ADAMTS6: variants seen among roughly 807,000 people sequenced by gnomAD.
ADAMTS6 encodes the protein A disintegrin and metalloproteinase with thrombospondin motifs 6.
A neutral mutation model predicts 144.3 loss-of-function variants in ADAMTS6; 23 were observed. That is an observed-to-expected ratio of 0.16 (90% CI 0.11 to 0.23). ADAMTS6 has a LOEUF of 0.23. ADAMTS6 is among the 10% of genes least tolerant of loss of function. The pLI is 1.00. For synonymous variants in ADAMTS6, 444 were observed against 457.5 expected, an observed-to-expected ratio of 0.97 and a Z score of 0.38; for missense variants, 999 against 1,379.6, an observed-to-expected ratio of 0.72 and a Z score of 4.37.
In ADAMTS6 at chr5:65,446,800, G is replaced by C. The variant is rs1758301342; in HGVS notation, c.1073+4675C>G. Among the ~76,000 whole-genome samples the C allele has an allele frequency of 2.0e-5, 3 of 152,180 alleles. No homozygotes were observed. The South Asian group carries it at 6.2e-4, about 31-fold the overall frequency. On this transcript the variant is annotated intron_variant, in intron 7 of 24. Transcript: ENST00000381055. ...AGATTAGCAGTTGCTTACGACTAGG[G>C]TAGGAGTGGGGACTGAGGGGAATGT...
At chr5:65,379,568 T>G (rs1751856357) in intron 7 of ADAMTS6, among the ~76,000 whole-genome samples, 1 of 152,196 alleles carries the variant, frequency 6.6e-6, no homozygotes, top group Admixed American at 6.5e-5. Flanking sequence ...TACTTAATAA[T>G]AAACTGATTT....
intron 14 of ADAMTS6, among the ~76,000 whole-genome samples, chr5:65,243,322 T>C (rs551292475): frequency 6.6e-6 from 1 of 152,076 alleles, no homozygotes; most frequent in South Asian, 2.1e-4. Flanking sequence ...GACAGTACAT[T>C]GTAAATGGTC....
intron 20 of ADAMTS6, among the ~76,000 whole-genome samples, chr5:65,207,763 C>T (rs190151641): frequency 5.3e-5 from 8 of 152,328 alleles, no homozygotes; most frequent in East Asian, 1.9e-4. Context: ...TAACTGAGTT[C>T]AAACAGGGGC....
chr5:65,274,616 G>C (rs564068442), intron 11 of ADAMTS6, among the ~76,000 whole-genome samples: 1 of 152,066 alleles, frequency 6.6e-6, no homozygotes, highest in African/African-American at 2.4e-5. Context: ...GATCTCTTTG[G>C]GTTCCTCTTT....
At chr5:65,418,397 C>T (rs1458408183) in intron 7 of ADAMTS6, among the ~76,000 whole-genome samples, 1 of 150,118 alleles carries the variant, frequency 6.7e-6, no homozygotes, top group Non-Finnish European at 1.5e-5. Context: ...AGCTTTCAAA[C>T]AAACAGCAAA....
intron 18 of ADAMTS6, among the ~76,000 whole-genome samples, chr5:65,216,139 T>G (rs1756902233): frequency 6.6e-6 from 1 of 152,136 alleles, no homozygotes; most frequent in African/African-American, 2.4e-5. Flanking sequence ...TGGACACACA[T>G]ATTCATAGTA....
At position 65,214,829 on chromosome 5, in the gene ADAMTS6, T is replaced by C. The variant is rs1208784044; in HGVS notation, c.2540A>G (p.Gln847Arg). 1.2e-6 allele frequency: 2 copies of C among 1,614,150 alleles called. No individual in the cohort carries two copies. Among genetic ancestry groups the C allele is most frequent in the South Asian group, 2.2e-5 (2 of 91,080 alleles). ...AGTAGCTGAGCATTCTGACCAAGGC[T>C]GATGATTCCATGTAAAGCCAACTTC... ...DNEVGFTWNHQPWSECSATCA... is the reference protein window; with the variant it reads ...DNEVGFTWNHRPWSECSATCA... Residue 847 changes from glutamine to arginine, a missense_variant, in exon 20 of 25, where the codon CAG becomes CGG. Around this residue, in one of 3 missense-constraint regions of ADAMTS6, gnomAD observed 619 missense variants for 837.0 expected, o/e 0.74. Transcript: ENST00000381055. The surrounding 1 kb of genome is among the most constrained non-coding windows in gnomAD (Gnocchi z 4.6).
chr5:65,302,110 AT>A (rs373868440), intron 9 of ADAMTS6, among the ~76,000 whole-genome samples: 601 of 27,430 alleles, frequency 0.022, 24 homozygotes, highest in Non-Finnish European at 0.028. Flanking sequence ...AAAAAAAAAT[AT>A]ATATATATAT....
chr5:65,475,039 T>C (rs1456227697), intron 1 of ADAMTS6, among the ~76,000 whole-genome samples: 1 of 151,944 alleles, frequency 6.6e-6, no homozygotes, highest in Non-Finnish European at 1.5e-5. Flanking sequence ...ACAAAAGAGA[T>C]TAGAAAGATT....
chr5:65,262,913 A>G lies in ADAMTS6; in HGVS notation c.1670T>C (p.Ile557Thr). 1.2e-6 allele frequency: 2 copies of G among 1,613,538 alleles called. No individual in the cohort carries two copies. The highest frequency in any genetic ancestry group is 1.7e-6 in the Non-Finnish European group (2 of 1,179,788). Residue 557 changes from isoleucine (I) to threonine (T), a missense_variant, in exon 13 of 25, where the codon ATA becomes ACA. Physicochemically the swap from Ile to Thr is moderately conservative, Grantham distance 89. Coordinates refer to ENST00000381055, the MANE Select transcript of ADAMTS6 (RefSeq NM_197941.4). ...CVPFGTWPQS[I>T]DGGWGPWSLW... ...TGACCAGGGACCCCAGCCCCCATCT[A>G]TGCTCTGGGGCCAAGTGCCAAAAGG...
rs1762289846 is a variant in ADAMTS6, at chr5:65,274,358, C to T, written c.1513-911G>A. Among the ~76,000 whole-genome samples the T allele has an allele frequency of 2.0e-5, 3 of 151,868 alleles. No individual in the cohort carries two copies. In the South Asian group the frequency reaches 6.2e-4, roughly 31 times the overall value. ...CCAACTAGCATCATTACCAATGTTA[C>T]AAGTTTTTAACTTAAGCTAGAACTT... On this transcript the variant is annotated intron_variant, in intron 11 of 24. Coordinates refer to ENST00000381055, the MANE Select transcript of ADAMTS6 (RefSeq NM_197941.4).
chr5:65,313,300 C>A (rs1268559874), intron 9 of ADAMTS6, among the ~76,000 whole-genome samples: 1 of 151,956 alleles, frequency 6.6e-6, no homozygotes, highest in East Asian at 1.9e-4. Flanking sequence ...AATTGTTAGA[C>A]TTTATTTTAA....
chr5:65,256,720 C>T (rs563651937), intron 14 of ADAMTS6, among the ~76,000 whole-genome samples: 1 of 152,060 alleles, frequency 6.6e-6, no homozygotes, highest in Non-Finnish European at 1.5e-5. Context: ...GTATATAATA[C>T]ATATATCATT....
rs1283214070 is a variant in ADAMTS6, at chr5:65,350,269, TG to T, written c.1074-16185del. 2.0e-5 allele frequency among the ~76,000 whole-genome samples: 3 copies of T among 152,332 alleles called. No homozygotes were observed. The East Asian group carries it at 5.8e-4, about 29-fold the overall frequency. ...AGGTTAAGTTGATTTCTTTTTTGTCTGACCTTCAGTGAAGATTGAGAACATC... is the reference window on the plus strand; with the variant it reads ...AGGTTAAGTTGATTTCTTTTTTGTCTACCTTCAGTGAAGATTGAGAACATC... On this transcript the variant is annotated intron_variant, in intron 7 of 24. Coordinates refer to ENST00000381055, the MANE Select transcript of ADAMTS6 (RefSeq NM_197941.4).
intron 12 of ADAMTS6, among the ~76,000 whole-genome samples, chr5:65,267,820 G>C (rs116818460): frequency 6.6e-6 from 1 of 152,138 alleles, no homozygotes; most frequent in Non-Finnish European, 1.5e-5. Flanking sequence ...TTTGCAGGAA[G>C]TAATATTAGT....
chr5:65,157,529 C>G (rs1385032583), intron 24 of ADAMTS6, among the ~76,000 whole-genome samples: 1 of 152,212 alleles, frequency 6.6e-6, no homozygotes, highest in Non-Finnish European at 1.5e-5. Context: ...ATCAGCATCT[C>G]TCTTTGGAGA....
intron 7 of ADAMTS6, among the ~76,000 whole-genome samples, chr5:65,373,883 A>T (rs62370668): frequency 1.3e-5 from 2 of 152,086 alleles, no homozygotes; most frequent in African/African-American, 4.8e-5. Flanking sequence ...AACCGAATCC[A>T]GCAGCACATC....
intron 22 of ADAMTS6, among the ~76,000 whole-genome samples, chr5:65,180,824 T>G (rs1421202565): frequency 2.0e-5 from 3 of 152,202 alleles, no homozygotes; most frequent in Non-Finnish European, 4.4e-5. Context: ...TCTCTCTATA[T>G]GTCAGCCATA....
intron 7 of ADAMTS6, among the ~76,000 whole-genome samples, chr5:65,372,937 C>T (rs1751110518): frequency 6.6e-6 from 1 of 152,158 alleles, no homozygotes; most frequent in Non-Finnish European, 1.5e-5. Context: ...CAAACTAGAA[C>T]TCAGGATTAA....
Sources: allele counts gnomAD v4.1 joint callset (sites outside exome capture counted in the v4.1 genomes callset), GRCh38; gene constraint gnomAD v4.1.1; regional missense constraint gnomAD v4.1.1; non-coding constraint Gnocchi (gnomAD v3.1); transcripts MANE v1.5; gene names NCBI Gene and HGNC (gene_info 2026-07-23, HGNC 2026-07-21).